ZNF521: variants seen among roughly 807,000 people sequenced by gnomAD.
ZNF521 encodes the protein LYST-interacting protein 3.
In ZNF521, 14 loss-of-function variants were observed where a neutral mutation model predicts 105.5. The observed-to-expected ratio is 0.13, with a 90% CI of 0.09 to 0.21. ZNF521 has a LOEUF of 0.21. Among genes scored for constraint, ZNF521 ranks in the 10% least tolerant of loss-of-function variants. The pLI is 1.00. For missense variants in ZNF521, 1,233 were observed against 1,629.7 expected (o/e 0.76, Z 4.19); for synonymous variants, 635 against 606.0 (o/e 1.05, Z -0.70).
chr18:25,227,341 A>T lies in ZNF521; in HGVS notation c.577T>A (p.Leu193Ile), dbSNP rs1157325950. The T allele has an allele frequency of 4.3e-6, 7 of 1,614,020 alleles. No homozygotes were observed. The African/African-American group carries it at 9.3e-5, about 22-fold the overall frequency. ...GGCTTGTTGGACGTGTGAGTCTTTA[A>T]GTGGATCTTCAAGTGATCACTTCTG... ...FSRSDHLKIH[L>I]KTHTSNKPYK... Residue 193 changes from leucine to isoleucine, a missense_variant, in exon 4 of 8, where the codon TTA becomes ATA. Physicochemically the swap from Leu to Ile is conservative, Grantham distance 5. Around this residue, in one of 6 missense-constraint regions of ZNF521, gnomAD observed 380 missense variants for 478.0 expected, o/e 0.80. Transcript: ENST00000361524. The surrounding 1 kb of genome is among the most constrained non-coding windows in gnomAD (Gnocchi z 5.7).
intron 5 of ZNF521, among the ~76,000 whole-genome samples, chr18:25,142,762 A>AT (rs33962495): frequency 0.69 from 105,391 of 151,802 alleles, 37,137 homozygotes; most frequent in African/African-American, 0.8. Context: ...TTTGTAAGTT[A>AT]TTTTTTGCAT....
rs966587029 is a variant in ZNF521, at chr18:25,318,818, T to C, written c.220+3190A>G. On this transcript the variant is annotated intron_variant, in intron 3 of 7. Transcript: ENST00000361524. ...TGAGTGTATTATATATTATAGTAAGTATGCATGTACATTTCCTACTTCTGT... is the reference window on the plus strand; with the variant it reads ...TGAGTGTATTATATATTATAGTAAGCATGCATGTACATTTCCTACTTCTGT... Among the ~76,000 whole-genome samples the C allele has an allele frequency of 3.3e-5, 5 of 152,254 alleles. No homozygotes were observed. The East Asian group carries it at 9.6e-4, about 29-fold the overall frequency.
At chr18:25,108,926 G>T (rs1306781101) in intron 5 of ZNF521, among the ~76,000 whole-genome samples, 1 of 152,092 alleles carries the variant, frequency 6.6e-6, no homozygotes, top group East Asian at 1.9e-4. Flanking sequence ...CACCTGGCTA[G>T]ATTTTAAAAA....
At chr18:25,135,706 C>T (rs2034721940) in intron 5 of ZNF521, among the ~76,000 whole-genome samples, 1 of 152,086 alleles carries the variant, frequency 6.6e-6, no homozygotes, top group Admixed American at 6.6e-5. Context: ...GTAGGGAACC[C>T]CCAGAGGACC....
chr18:25,067,016 TG>T (rs1184088229), intron 7 of ZNF521, among the ~76,000 whole-genome samples: 1 of 151,716 alleles, frequency 6.6e-6, no homozygotes, highest in African/African-American at 2.4e-5. Context: ...TTGGTGGAGG[TG>T]GGGGGTGAAG....
chr18:25,252,777 C>T (rs1305843521), intron 3 of ZNF521, among the ~76,000 whole-genome samples: 1 of 152,104 alleles, frequency 6.6e-6, no homozygotes, highest in African/African-American at 2.4e-5. Flanking sequence ...ACATTAACTT[C>T]AAACCCCATA....
intron 5 of ZNF521, among the ~76,000 whole-genome samples, chr18:25,113,307 A>T (rs2034232719): frequency 6.6e-6 from 1 of 152,092 alleles, no homozygotes; most frequent in Non-Finnish European, 1.5e-5. Context: ...CCCACCAGGG[A>T]CAGTCAACCA....
rs762948633 is a variant in ZNF521 at position 25,225,292 on chromosome 18, C to T, written c.2626G>A (p.Glu876Lys). The change falls in exon 4 of 8, where the codon GAA becomes AAA. Residue 876 changes from glutamate to lysine, a missense_variant. Glu to Lys is a moderately conservative substitution (Grantham distance 56). Coordinates refer to ENST00000361524, the MANE Select transcript of ZNF521 (RefSeq NM_015461.3). This position sits in a 1 kb window ranked among gnomAD's most constrained non-coding sequence, Gnocchi z 5.6. ...QESHNSHDGS[E>K]EDVDTSEPMY... ...GGCTCAGAGGTGTCAACGTCTTCTT[C>T]GCTCCCATCGTGACTGTTGTGGGAC... 6.2e-7 allele frequency: 1 copy of T among 1,613,980 alleles called. No homozygotes were observed. The highest frequency in any genetic ancestry group is 8.5e-7 in the Non-Finnish European group (1 of 1,180,028).
At chr18:25,240,521 A>C (rs116408386) in intron 3 of ZNF521, among the ~76,000 whole-genome samples, 2,054 of 152,274 alleles carry the variant, frequency 0.013, 52 homozygotes, top group African/African-American at 0.047. Context: ...GGGCTGTCAG[A>C]AGCATACGCA....
At chr18:25,313,754 T>C (rs897671245) in intron 3 of ZNF521, among the ~76,000 whole-genome samples, 2 of 152,230 alleles carry the variant, frequency 1.3e-5, no homozygotes, top group African/African-American at 2.4e-5. Context: ...CATGTATGTA[T>C]GTAATGTATT....
chr18:25,212,643 A>G (rs547009819), intron 4 of ZNF521, among the ~76,000 whole-genome samples: 1 of 148,478 alleles, frequency 6.7e-6, no homozygotes, highest in African/African-American at 2.5e-5. Flanking sequence ...ATTTAGAGAT[A>G]ACTGACAGAC....
intron 4 of ZNF521, among the ~76,000 whole-genome samples, chr18:25,214,806 A>T (rs1169864530): frequency 6.6e-6 from 1 of 152,194 alleles, no homozygotes; most frequent in African/African-American, 2.4e-5. Flanking sequence ...CTGAGATTTA[A>T]TATAGTTTGG....
intron 2 of ZNF521, among the ~76,000 whole-genome samples, chr18:25,345,963 T>C (rs191518646): frequency 1.6e-4 from 25 of 152,314 alleles, no homozygotes; most frequent in Middle Eastern, 6.8e-3. Flanking sequence ...TTTTTGCCTG[T>C]ACAATCATGA....
rs577101611 is a variant in ZNF521, at chr18:25,297,128, C to T, written c.220+24880G>A. On this transcript the variant is annotated intron_variant, in intron 3 of 7. Coordinates refer to ENST00000361524, the MANE Select transcript of ZNF521 (RefSeq NM_015461.3). ...ACACATATACATGTCCCTTTATACA[C>T]ACACACACACACACATATATATATA... Among the ~76,000 whole-genome samples, 55 of 150,642 alleles carry T rather than the reference C, an allele frequency of 3.7e-4. No individual in the cohort carries two copies. In the South Asian group the frequency reaches 7.8e-3, roughly 21 times the overall value.
rs545532149 is a variant in ZNF521, at chr18:25,173,087, T to A, written c.3658+22073A>T. On this transcript the variant is annotated intron_variant, in intron 5 of 7. Transcript: ENST00000361524. ...TACCAGATTCAATAATTAGCAATAA[T>A]GCATTAGATGCCAGTGAGAATGATA... 2.6e-5 allele frequency among the ~76,000 whole-genome samples: 4 copies of A among 152,364 alleles called. No individual in the cohort carries two copies. In the East Asian group the frequency reaches 7.7e-4, roughly 29 times the overall value.
intron 7 of ZNF521, among the ~76,000 whole-genome samples, chr18:25,083,606 A>G (rs534719825): frequency 2.6e-5 from 4 of 152,252 alleles, no homozygotes; most frequent in African/African-American, 7.2e-5. Flanking sequence ...AATTGATTAC[A>G]TATCACCTCA....
chr18:25,086,537 TAG>T (rs1264162618), intron 7 of ZNF521, among the ~76,000 whole-genome samples: 1 of 152,120 alleles, frequency 6.6e-6, no homozygotes, highest in Non-Finnish European at 1.5e-5. Flanking sequence ...TAGACCCACA[TAG>T]AGATTCCAAT....
chr18:25,199,467 T>C (rs950329896), intron 4 of ZNF521, among the ~76,000 whole-genome samples: 2 of 151,986 alleles, frequency 1.3e-5, no homozygotes, highest in Non-Finnish European at 2.9e-5. Context: ...TATCGGGATG[T>C]TATTGTTACC....
chr18:25,319,287 C>A (rs1183717802), intron 3 of ZNF521, among the ~76,000 whole-genome samples: 1 of 152,074 alleles, frequency 6.6e-6, no homozygotes, highest in Non-Finnish European at 1.5e-5. Flanking sequence ...TATGAACTTG[C>A]AATAGACATA....
Sources: gnomAD v4.1 joint callset for allele counts (sites outside exome capture counted in the v4.1 genomes callset) on GRCh38, gnomAD v4.1.1 for gene constraint, gnomAD v4.1.1 regional missense constraint, Gnocchi (gnomAD v3.1) non-coding constraint, MANE v1.5 for transcripts, NCBI Gene and HGNC (gene_info 2026-07-23, HGNC 2026-07-21) for gene names.